CADPS2: variants seen among roughly 807,000 people sequenced by gnomAD.
The protein encoded by CADPS2 is calcium dependent secretion activator 2.
Under a neutral mutation model 172.5 loss-of-function variants are expected in CADPS2, and 93 were observed. The ratio of observed to expected loss-of-function variants is 0.54; its 90% CI spans 0.46 to 0.64. The LOEUF (loss-of-function observed/expected upper bound fraction) is 0.64, where lower values mean the gene tolerates loss of function less well. Ranked by LOEUF, CADPS2 falls within the 30% of genes least tolerant of loss-of-function variation. CADPS2 has a pLI of 0.00. For synonymous variants in CADPS2, 546 were observed against 555.2 expected, an observed-to-expected ratio of 0.98 and a Z score of 0.23; for missense variants, 1,420 against 1,565.9, an observed-to-expected ratio of 0.91 and a Z score of 1.57.
At chr7:122,362,436 T>G (rs755372380) in intron 25 of CADPS2, among the ~76,000 whole-genome samples, 1 of 152,196 alleles carries the variant, frequency 6.6e-6, no homozygotes, top group East Asian at 1.9e-4. Context: ...GGGGGTAGGA[T>G]GTGGAATTCA....
chr7:122,615,863 G>C (rs1457195626), intron 5 of CADPS2, among the ~76,000 whole-genome samples: 1 of 151,846 alleles, frequency 6.6e-6, no homozygotes, highest in Non-Finnish European at 1.5e-5. Flanking sequence ...ATTATAATTT[G>C]TCACTGAACA....
At chr7:122,779,777 T>C (rs1368220667) in intron 1 of CADPS2, among the ~76,000 whole-genome samples, 1 of 152,130 alleles carries the variant, frequency 6.6e-6, no homozygotes, top group East Asian at 1.9e-4. Flanking sequence ...AGGGACTTCA[T>C]TTTGTTGTCC....
intron 1 of CADPS2, among the ~76,000 whole-genome samples, chr7:122,827,432 C>T (rs1467973078): frequency 1.5e-4 from 2 of 13,622 alleles, no homozygotes; most frequent in East Asian, 8.2e-3. Flanking sequence ...TGGGAGTTTG[C>T]GACCAGCCTG....
At chr7:122,765,505 T>C (rs1161609360) in intron 1 of CADPS2, among the ~76,000 whole-genome samples, 1 of 152,102 alleles carries the variant, frequency 6.6e-6, no homozygotes, top group Non-Finnish European at 1.5e-5. Context: ...AGGACTATGG[T>C]ATCAACTTTT....
intron 1 of CADPS2, among the ~76,000 whole-genome samples, chr7:122,758,639 G>C (rs547788622): frequency 2.6e-5 from 4 of 152,156 alleles, no homozygotes; most frequent in South Asian, 2.1e-4. Context: ...CAAAGACATA[G>C]AGCAAAAGCT....
At chr7:122,385,569 C>T (rs921110423) in intron 24 of CADPS2, among the ~76,000 whole-genome samples, 3 of 150,726 alleles carry the variant, frequency 2.0e-5, no homozygotes, top group Non-Finnish European at 3.0e-5. Context: ...TTCTAACTCA[C>T]GACAAAAAAA....
rs150940804 is a variant in CADPS2 at position 122,648,804 on chromosome 7, G to A, written c.786+14433C>T. ...CCCAAGAGGATGCAAAAACAGTCTC[G>A]TAGATGAAGTCCAGCAGCCTAAGAA... On this transcript the variant is annotated intron_variant, in intron 3 of 29. Transcript: ENST00000449022. Among the ~76,000 whole-genome samples the A allele has an allele frequency of 3.6e-3, 541 of 152,256 alleles. 13 individuals carry two copies. The highest frequency in any genetic ancestry group is 0.031 in the Admixed American group (467 of 15,280).
chr7:122,520,292 A>G lies in CADPS2; in HGVS notation c.1476-6977T>C, dbSNP rs940856478. Among the ~76,000 whole-genome samples, 3 of 152,170 alleles carry G rather than the reference A, an allele frequency of 2.0e-5. No homozygotes were observed. In the South Asian group the frequency reaches 6.2e-4, roughly 32 times the overall value. The stretch of plus-strand genomic sequence containing the variant: ...ATTAACGCTGCAATGCTTATACGAC[A>G]AAACTATTTTAAAATGCTTGTCTTT... On this transcript the variant is annotated intron_variant, in intron 8 of 29. Coordinates refer to ENST00000449022, the MANE Select transcript of CADPS2 (RefSeq NM_017954.11).
chr7:122,677,268 T>C (rs1340519465), intron 2 of CADPS2, among the ~76,000 whole-genome samples: 2 of 152,220 alleles, frequency 1.3e-5, no homozygotes, highest in Non-Finnish European at 2.9e-5. Flanking sequence ...GAGGTCATGG[T>C]GGCTTCCCTG....
At chr7:122,354,935 GA>G (rs1466377320) in intron 27 of CADPS2, among the ~76,000 whole-genome samples, 1 of 152,140 alleles carries the variant, frequency 6.6e-6, no homozygotes, top group Non-Finnish European at 1.5e-5. Context: ...ATCTAGATCA[GA>G]AAGATATCAA....
chr7:122,748,607 T>C (rs13226441), intron 1 of CADPS2, among the ~76,000 whole-genome samples: 7,624 of 152,170 alleles, frequency 0.05, 293 homozygotes, highest in Middle Eastern at 0.11. Context: ...ATAAAATTAC[T>C]TTCCTCAGAA....
At chr7:122,500,815 G>A (rs1455716066) in intron 9 of CADPS2, among the ~76,000 whole-genome samples, 1 of 152,132 alleles carries the variant, frequency 6.6e-6, no homozygotes, top group Admixed American at 6.5e-5. Flanking sequence ...ACTTATGTAA[G>A]TGGCAAGATA....
intron 8 of CADPS2, among the ~76,000 whole-genome samples, chr7:122,548,653 C>G (rs970450506): frequency 6.6e-6 from 1 of 152,036 alleles, no homozygotes; most frequent in African/African-American, 2.4e-5. Flanking sequence ...TGAGCACCAC[C>G]AGTTATTTAA....
At chr7:122,828,358 T>A (rs1267485528) in intron 1 of CADPS2, among the ~76,000 whole-genome samples, 2 of 152,018 alleles carry the variant, frequency 1.3e-5, no homozygotes, top group East Asian at 1.9e-4. Context: ...CTTTTTTTTT[T>A]ATCCACTCTA....
intron 8 of CADPS2, among the ~76,000 whole-genome samples, chr7:122,521,034 C>T (rs1333537818): frequency 6.6e-6 from 1 of 151,874 alleles, no homozygotes; most frequent in Non-Finnish European, 1.5e-5. Flanking sequence ...AATGATAAAG[C>T]CTTTTCTTCT....
At chr7:122,542,273 T>G (rs1587042793) in intron 8 of CADPS2, among the ~76,000 whole-genome samples, 2 of 152,256 alleles carry the variant, frequency 1.3e-5, no homozygotes, top group Non-Finnish European at 2.9e-5. Flanking sequence ...TAAGCTGTCC[T>G]ACTATGATAT....
intron 1 of CADPS2, among the ~76,000 whole-genome samples, chr7:122,863,162 A>G (rs1230411963): frequency 3.3e-5 from 5 of 152,200 alleles, no homozygotes; most frequent in Admixed American, 6.5e-5. Context: ...CAAAATGGTG[A>G]GCAATTCTCA....
intron 7 of CADPS2, among the ~76,000 whole-genome samples, chr7:122,575,407 GTTCAA>G (rs1364894836): frequency 1.3e-5 from 2 of 150,940 alleles, no homozygotes; most frequent in African/African-American, 4.9e-5. Flanking sequence ...GTAAGGAAAT[GTTCAA>G]TTCTTTTTCT....
At chr7:122,835,417 G>C (rs140021362) in intron 1 of CADPS2, among the ~76,000 whole-genome samples, 3 of 152,328 alleles carry the variant, frequency 2.0e-5, no homozygotes, top group Non-Finnish European at 4.4e-5. Flanking sequence ...GCCAGCAATG[G>C]AACAAAGCTG....
Sources: gnomAD v4.1 joint callset for allele counts (sites outside exome capture counted in the v4.1 genomes callset) on GRCh38, gnomAD v4.1.1 for gene constraint, MANE v1.5 for transcripts, NCBI Gene and HGNC (gene_info 2026-07-23, HGNC 2026-07-21) for gene names.